NLGN1: variants seen among roughly 807,000 people sequenced by gnomAD.
The protein encoded by NLGN1 is neuroligin-1.
NLGN1 carries 12 observed loss-of-function variants against 65.5 expected under a neutral mutation model. The ratio of observed to expected loss-of-function variants is 0.18; its 90% CI spans 0.12 to 0.30. The LOEUF is 0.30. NLGN1 is among the 10% of genes least tolerant of loss of function. The pLI is 1.00. For synonymous variants in NLGN1, 350 were observed against 359.5 expected (o/e 0.97, Z 0.30); for missense variants, 750 against 1,007.1 (o/e 0.74, Z 3.46).
At chr3:173,773,669 G>A (rs956078654) in intron 3 of NLGN1, among the ~76,000 whole-genome samples, 6 of 152,120 alleles carry the variant, frequency 3.9e-5, no homozygotes, top group African/African-American at 1.2e-4. Context: ...TTTCAATGCT[G>A]GAGATATAAT....
chr3:173,508,819 C>T (rs944900726), intron 2 of NLGN1, among the ~76,000 whole-genome samples: 4 of 152,154 alleles, frequency 2.6e-5, no homozygotes, highest in African/African-American at 7.2e-5. Context: ...AGCCCTAGGG[C>T]GAATATGAGG....
intron 1 of NLGN1, among the ~76,000 whole-genome samples, chr3:173,401,890 TA>T (rs976256047): frequency 3.1e-4 from 47 of 152,224 alleles, no homozygotes; most frequent in African/African-American, 1.1e-3. Flanking sequence ...AATACTGTGA[TA>T]TTTTTCCTTT....
intron 3 of NLGN1, among the ~76,000 whole-genome samples, chr3:173,680,775 T>C (rs563216542): frequency 6.6e-6 from 1 of 152,144 alleles, no homozygotes; most frequent in Non-Finnish European, 1.5e-5. Context: ...TGAAGTAACT[T>C]TGGGAGGTAT....
At chr3:173,562,332 G>GC (rs1269883922) in intron 2 of NLGN1, among the ~76,000 whole-genome samples, 1 of 152,196 alleles carries the variant, frequency 6.6e-6, no homozygotes, top group Non-Finnish European at 1.5e-5. Context: ...ACTTTGGGAG[G>GC]CCAAGGTGAG....
At chr3:173,490,005 G>A (rs991301096) in intron 2 of NLGN1, among the ~76,000 whole-genome samples, 9 of 151,998 alleles carry the variant, frequency 5.9e-5, no homozygotes, top group Non-Finnish European at 8.8e-5. Context: ...AGATGAGTAG[G>A]TTGCAAACAT....
At chr3:174,017,226 A>G (rs1726760666) in intron 4 of NLGN1, among the ~76,000 whole-genome samples, 1 of 152,042 alleles carries the variant, frequency 6.6e-6, no homozygotes, top group Non-Finnish European at 1.5e-5. Flanking sequence ...TAGCTTGTTT[A>G]TTCACTCTTC....
At chr3:173,998,710 C>T (rs1722727882) in intron 4 of NLGN1, among the ~76,000 whole-genome samples, 1 of 152,178 alleles carries the variant, frequency 6.6e-6, no homozygotes, top group African/African-American at 2.4e-5. Context: ...TCTACTTGCA[C>T]TGTTTTATTC....
At chr3:173,531,564 TACACAC>T (rs147720926) in intron 2 of NLGN1, among the ~76,000 whole-genome samples, 2 of 148,152 alleles carry the variant, frequency 1.3e-5, no homozygotes, top group Non-Finnish European at 3.0e-5. Flanking sequence ...CTGTGTGAAA[TACACAC>T]ACACACACAC....
intron 2 of NLGN1, among the ~76,000 whole-genome samples, chr3:173,449,835 T>G (rs1476520833): frequency 6.6e-6 from 1 of 152,222 alleles, no homozygotes; most frequent in Non-Finnish European, 1.5e-5. Context: ...TTTGTCTCTT[T>G]TGATCTTTGT....
At chr3:173,724,893 C>T (rs921130235) in intron 3 of NLGN1, among the ~76,000 whole-genome samples, 13 of 152,156 alleles carry the variant, frequency 8.5e-5, no homozygotes, top group Admixed American at 1.3e-4. Context: ...GGGACATGGA[C>T]GAAGCTGAAA....
intron 3 of NLGN1, among the ~76,000 whole-genome samples, chr3:173,628,350 G>A (rs1391823047): frequency 2.0e-5 from 3 of 152,106 alleles, no homozygotes; most frequent in Non-Finnish European, 4.4e-5. Flanking sequence ...TTTTCTGCCT[G>A]TAATGCATGT....
At chr3:173,772,720 A>G (rs1367863312) in intron 3 of NLGN1, among the ~76,000 whole-genome samples, 1 of 152,226 alleles carries the variant, frequency 6.6e-6, no homozygotes, top group Non-Finnish European at 1.5e-5. Context: ...ATGATTAGGC[A>G]GAAGCCTGGA....
chr3:174,106,196 T>C (rs1158808718), intron 4 of NLGN1, among the ~76,000 whole-genome samples: 1 of 152,150 alleles, frequency 6.6e-6, no homozygotes, highest in Non-Finnish European at 1.5e-5. Flanking sequence ...TCGCATAAAG[T>C]TTATATACTC....
At chr3:174,059,958 A>G (rs1580066825) in intron 4 of NLGN1, among the ~76,000 whole-genome samples, 1 of 152,112 alleles carries the variant, frequency 6.6e-6, no homozygotes, top group Non-Finnish European at 1.5e-5. Context: ...CAGCTTCTGG[A>G]TTCTTATCTT....
At chr3:173,762,489 A>C (rs921541122) in intron 3 of NLGN1, among the ~76,000 whole-genome samples, 1 of 152,094 alleles carries the variant, frequency 6.6e-6, no homozygotes, top group African/African-American at 2.4e-5. Flanking sequence ...TATAGAAAAC[A>C]TGCAAATGAT....
chr3:173,420,741 C>T (rs2148693604), intron 1 of NLGN1, among the ~76,000 whole-genome samples: 1 of 152,268 alleles, frequency 6.6e-6, no homozygotes, highest in Middle Eastern at 3.4e-3. Flanking sequence ...GACAATTCTT[C>T]TTCTTCCGGT....
chr3:173,415,921 A>G lies in NLGN1; in HGVS notation c.-390+17434A>G, dbSNP rs531010239. 6.7e-5 allele frequency among the ~76,000 whole-genome samples: 9 copies of G among 134,248 alleles called. No homozygotes were observed. In the South Asian group the frequency reaches 1.1e-3, roughly 17 times the overall value. 88.1% of individuals were successfully genotyped at this position (134,248 alleles called of 152,430 possible). A position where few individuals can be genotyped will look rare whatever the true frequency, so the allele number is the denominator to read the frequency against. Reference sequence around the variant, plus strand: ...TATATATATAGAGAGAGAGAGAGGGAGAGAGAGAGAGAGAGAGAGAGAGCT... The same window carrying G: ...TATATATATAGAGAGAGAGAGAGGGGGAGAGAGAGAGAGAGAGAGAGAGCT... On this transcript the variant is annotated intron_variant, in intron 1 of 6. Coordinates refer to ENST00000457714, the Ensembl canonical transcript of NLGN1.
Position 173,884,579 on chromosome 3 carries a change from T to C in NLGN1, c.646+76747T>C, listed in dbSNP as rs1171090118. 3.3e-5 allele frequency among the ~76,000 whole-genome samples: 5 copies of C among 152,118 alleles called. No individual in the cohort carries two copies. In the East Asian group the frequency reaches 7.7e-4, roughly 23 times the overall value. On this transcript the variant is annotated intron_variant, in intron 4 of 6. Coordinates refer to ENST00000457714, the Ensembl canonical transcript of NLGN1. Reference sequence around the variant, plus strand: ...CTACATACTTTGAGATTAGTTGAAATTTTTACATCCACACATACTGATAGT... The same window carrying C: ...CTACATACTTTGAGATTAGTTGAAACTTTTACATCCACACATACTGATAGT...
chr3:173,592,049 A>G (rs1983060), intron 2 of NLGN1, among the ~76,000 whole-genome samples: 78,482 of 151,990 alleles, frequency 0.52, 20,809 homozygotes, highest in East Asian at 0.82. Flanking sequence ...GGTATTTTAC[A>G]TATACATTAA....
Sources: gnomAD v4.1 joint callset for allele counts (sites outside exome capture counted in the v4.1 genomes callset) on GRCh38, gnomAD v4.1.1 for gene constraint, MANE v1.5 for transcripts, NCBI Gene and HGNC (gene_info 2026-07-23, HGNC 2026-07-21) for gene names.